FAM110C: variants seen among roughly 807,000 people sequenced by gnomAD.
The protein encoded by FAM110C is protein FAM110C.
In FAM110C, 19 loss-of-function variants were observed where a neutral mutation model predicts 15.7. The observed-to-expected ratio is 1.21, with a 90% CI of 0.85 to 1.78. The LOEUF is 1.78. FAM110C is among the 40% of genes most tolerant of loss of function. FAM110C has a pLI of 0.00. For missense variants in FAM110C, 547 were observed against 495.7 expected (o/e 1.10, Z -0.98); for synonymous variants, 275 against 233.9 (o/e 1.18, Z -1.61).
chr2:44,774 A>T (rs1245424604), intron 1 of FAM110C: 8 of 985,442 alleles, frequency 8.1e-6, no homozygotes, highest in Non-Finnish European at 9.6e-6. Context: ...TCTAGTTACA[A>T]TCTAGTCCAA....
intron 1 of FAM110C, chr2:43,968 G>A (rs902348748): frequency 2.0e-6 from 2 of 985,230 alleles, no homozygotes; most frequent in African/African-American, 3.5e-5. Flanking sequence ...GGTCTATAGT[G>A]CAGGAATCAT....
intron 1 of FAM110C, chr2:44,866 T>A (rs1032542969): frequency 3.0e-6 from 3 of 985,296 alleles, no homozygotes; most frequent in Non-Finnish European, 3.6e-6. Context: ...GCTAAGTGAA[T>A]GCCAAAGTGC....
In FAM110C at chr2:41,272, G is replaced by C. The variant is rs1664118405; in HGVS notation, c.*336C>G. ...CTTGATTTAAAAAAAAATCAACTTA[G>C]ATATTGTTAAAATGCATCACAGTAC... is the stretch of plus-strand genomic sequence containing the variant. On this transcript the variant is annotated 3_prime_UTR_variant, in exon 2 of 2. Coordinates refer to ENST00000327669, the MANE Select transcript of FAM110C (RefSeq NM_001077710.3). The C allele has an allele frequency of 7.1e-6, 2 of 282,366 alleles. No homozygotes were observed. The highest frequency in any genetic ancestry group is 5.2e-5 in the Admixed American group (1 of 19,300). 17.5% of individuals were successfully genotyped at this position (282,366 alleles called of 1,614,324 possible). A position where few individuals can be genotyped will look rare whatever the true frequency, so the allele number is the denominator to read the frequency against.
chr2:40,520 A>C lies in FAM110C; in HGVS notation c.*1088T>G, dbSNP rs1427795827. 6.6e-6 allele frequency: 1 copy of C among 152,214 alleles called. No individual in the cohort carries two copies. Among genetic ancestry groups the C allele is most frequent in the East Asian group, 1.9e-4 (1 of 5,198 alleles). The allele number at this position is 152,214 out of a possible 1,614,324, so 9.4% of individuals were successfully genotyped here. Reference sequence around the variant, plus strand: ...GAATCTATTCACTCTGGGTGTCATAAGCAAGTTCAGAATTAGGGACCCAGT... The same window carrying C: ...GAATCTATTCACTCTGGGTGTCATACGCAAGTTCAGAATTAGGGACCCAGT... On this transcript the variant is annotated 3_prime_UTR_variant, in exon 2 of 2. Coordinates refer to ENST00000327669, the MANE Select transcript of FAM110C (RefSeq NM_001077710.3).
chr2:42,401 G>T (rs1178982609), intron 1 of FAM110C: 6 of 771,760 alleles, frequency 7.8e-6, no homozygotes, highest in African/African-American at 1.9e-5. Flanking sequence ...ATTAAAAGCA[G>T]CAACTTATAT....
rs983984504 is a variant in FAM110C at position 39,571 on chromosome 2, T to G, written c.*2037A>C. The G allele has an allele frequency of 6.6e-6, 1 of 152,220 alleles. No individual in the cohort carries two copies. 9.4% of individuals were successfully genotyped at this position (152,220 alleles called of 1,614,324 possible). A position where few individuals can be genotyped will look rare whatever the true frequency, so the allele number is the denominator to read the frequency against. ...TTCATGCCCCGTTTCTGATATCTAC[T>G]TCTAGAATTCACTCCAGCTGAATTC... On this transcript the variant is annotated 3_prime_UTR_variant, in exon 2 of 2. Transcript: ENST00000327669.
intron 1 of FAM110C, chr2:42,748 TCTAC>T: frequency 2.6e-6 from 2 of 760,634 alleles, no homozygotes; most frequent in Non-Finnish European, 3.2e-6. Flanking sequence ...TAAATCTCTA[TCTAC>T]CAAGAGGACA....
At chr2:42,316 G>C (rs1664148196) in intron 1 of FAM110C, 4 of 985,230 alleles carry the variant, frequency 4.1e-6, no homozygotes, top group Admixed American at 6.1e-5. Flanking sequence ...CTGTGGAATT[G>C]TCCGAACATT....
At chr2:45,218 C>T in intron 1 of FAM110C, 1 of 985,430 alleles carries the variant, frequency 1.0e-6, no homozygotes, top group Non-Finnish European at 1.2e-6. Context: ...CTCCTAAGGG[C>T]CTGGACCAGC....
chr2:45,586 T>A lies in FAM110C; in HGVS notation c.800A>T (p.Asp267Val). ...GSGFSRHSGG[D>V]DEGLQEEELI... is the part of the protein sequence containing the mutation. The stretch of plus-strand genomic sequence containing the variant: ...CTCCTCCTCCTGCAGCCCCTCGTCG[T>A]CGCCGCCGCTGTGCCGGGAGAAGCC... The change falls in exon 1 of 2, where the codon GAC (aspartate) becomes GTC (valine). Residue 267 changes from aspartate to valine, a missense_variant. Asp to Val is a radical substitution (Grantham distance 152, BLOSUM62 -3). Coordinates refer to ENST00000327669, the MANE Select transcript of FAM110C (RefSeq NM_001077710.3). 1 of 1,612,644 alleles carries A rather than the reference T, an allele frequency of 6.2e-7. No homozygotes were observed. Among genetic ancestry groups the A allele is most frequent in the Non-Finnish European group, 8.5e-7 (1 of 1,179,868 alleles).
rs758786798 is a variant in FAM110C, at chr2:45,408, C to T, written c.946+32G>A. Reference sequence around the variant, plus strand: ...CCAAGATTCACAGCCCCGCACACGGCCAGCCCCGCCCCCAGCCTTCTGGGC... The same window carrying T: ...CCAAGATTCACAGCCCCGCACACGGTCAGCCCCGCCCCCAGCCTTCTGGGC... On this transcript the variant is annotated intron_variant, in intron 1 of 1. Transcript: ENST00000327669. 4.4e-6 allele frequency: 7 copies of T among 1,577,254 alleles called. No individual in the cohort carries two copies. The East Asian group carries it at 1.6e-4, about 35-fold the overall frequency.
intron 1 of FAM110C, 54 bp from the exon 2 acceptor site, chr2:41,681 TA>T: frequency 6.2e-7 from 1 of 1,610,544 alleles, no homozygotes; most frequent in Non-Finnish European, 8.5e-7. Context: ...CAAAAGTTAG[TA>T]TAATGAAAAC....
At chr2:43,314 T>C (rs1664177376) in intron 1 of FAM110C, 1 of 985,222 alleles carries the variant, frequency 1.0e-6, no homozygotes. Context: ...AGAAATAATG[T>C]GAAACTTCTC....
At chr2:43,808 C>A (rs768630700) in intron 1 of FAM110C, 8 of 985,432 alleles carry the variant, frequency 8.1e-6, no homozygotes, top group Non-Finnish European at 9.6e-6. Flanking sequence ...AAATTTACTT[C>A]TCACGTACTT....
At chr2:45,232 T>G in intron 1 of FAM110C, 2 of 985,386 alleles carry the variant, frequency 2.0e-6, no homozygotes, top group Non-Finnish European at 2.4e-6. Context: ...GACCAGCAGG[T>G]GCCTGGATTG....
chr2:42,745 C>G (rs1240318531), intron 1 of FAM110C: 1 of 735,566 alleles, frequency 1.4e-6, no homozygotes, highest in Non-Finnish European at 1.7e-6. Flanking sequence ...TTGTAAATCT[C>G]TATCTACCAA....
In FAM110C at chr2:45,707, C is replaced by A. The variant is rs773018271; in HGVS notation, c.679G>T (p.Glu227Ter). The change falls in exon 1 of 2, where the codon GAG becomes TAG. Residue 227 changes from glutamate to a stop codon, truncating the protein, a stop_gained. Transcript: ENST00000327669. LOFTEE classifies it high-confidence loss of function. Reference protein sequence around the residue: ...TFFQYCGLDPEVVEALGRENF... With the variant: ...TFFQYCGLDP ...TCCCTCCCCAGGGCCTCCACCACCTCGGGGTCCAGGCCGCAGTACTGGAAG... is the reference window on the plus strand; with the variant it reads ...TCCCTCCCCAGGGCCTCCACCACCTAGGGGTCCAGGCCGCAGTACTGGAAG... The A allele has an allele frequency of 6.2e-7, 1 of 1,603,182 alleles. No individual in the cohort carries two copies. Among genetic ancestry groups the A allele is most frequent in the Non-Finnish European group, 8.5e-7 (1 of 1,175,752 alleles).
chr2:44,826 A>G (rs1664231706), intron 1 of FAM110C: 1 of 985,334 alleles, frequency 1.0e-6, no homozygotes, highest in African/African-American at 1.7e-5. Flanking sequence ...AACAATTTAA[A>G]TAAAATTTAG....
Position 45,980 on chromosome 2 carries a change from G to T in FAM110C, c.406C>A (p.Pro136Thr). Residue 136 changes from proline (P) to threonine (T), a missense_variant, in exon 1 of 2, where the codon CCG becomes ACG. Coordinates refer to ENST00000327669, the MANE Select transcript of FAM110C (RefSeq NM_001077710.3). ...LFQGPGKDKA[P>T]VPRTGDEGKA... ...CCCTCGTCTCCCGTCCGGGGCACCG[G>T]CGCCTTGTCCTTACCCGGCCCCTGG... 1 of 1,460,984 alleles carries T rather than the reference G, an allele frequency of 6.8e-7. No individual in the cohort carries two copies. The highest frequency in any genetic ancestry group is 9.0e-7 in the Non-Finnish European group (1 of 1,112,202). The allele number at this position is 1,460,984 out of a possible 1,614,324, so 90.5% of individuals were successfully genotyped here. A position where few individuals can be genotyped will look rare whatever the true frequency, so the allele number is the denominator to read the frequency against.
Sources: gnomAD v4.1 joint callset for allele counts on GRCh38, gnomAD v4.1.1 for gene constraint, MANE v1.5 for transcripts, NCBI Gene and HGNC (gene_info 2026-07-23, HGNC 2026-07-21) for gene names.